The following CADM2 variants were observed in gnomAD, a reference collection of about 807,000 sequenced individuals.
CADM2 encodes the protein immunoglobulin superfamily member 4D.
CADM2 carries 12 observed loss-of-function variants against 49.8 expected under a neutral mutation model. That is an observed-to-expected ratio of 0.24 (90% CI 0.15 to 0.39). CADM2 has a LOEUF of 0.39. Ranked by LOEUF, CADM2 falls within the 10% of genes least tolerant of loss-of-function variation. CADM2 has a pLI of 1.00. For missense variants in CADM2, 378 were observed against 492.3 expected, an observed-to-expected ratio of 0.77 and a Z score of 2.20; for synonymous variants, 214 against 175.4, an observed-to-expected ratio of 1.22 and a Z score of -1.74.
chr3:85,810,451 T>C (rs2072784333), intron 3 of CADM2, among the ~76,000 whole-genome samples: 1 of 152,084 alleles, frequency 6.6e-6, no homozygotes, highest in African/African-American at 2.4e-5. Flanking sequence ...TTTATGCTTA[T>C]GCTTGCAACT....
At chr3:85,459,567 G>T (rs1484436566) in intron 1 of CADM2, among the ~76,000 whole-genome samples, 2 of 152,220 alleles carry the variant, frequency 1.3e-5, no homozygotes, top group African/African-American at 4.8e-5. Flanking sequence ...TATCAAATTA[G>T]TGTGACCCTA....
At chr3:85,876,983 C>T (rs1175918789) in intron 3 of CADM2, among the ~76,000 whole-genome samples, 2 of 152,026 alleles carry the variant, frequency 1.3e-5, no homozygotes, top group Non-Finnish European at 2.9e-5. Flanking sequence ...TTAAAACCAA[C>T]GGTGTATTGG....
At chr3:85,633,744 A>G (rs564529032) in intron 1 of CADM2, among the ~76,000 whole-genome samples, 3 of 152,202 alleles carry the variant, frequency 2.0e-5, no homozygotes, top group East Asian at 3.9e-4. Flanking sequence ...ATAAATTTCC[A>G]TAAAAGTAAC....
intron 8 of CADM2, among the ~76,000 whole-genome samples, chr3:86,054,362 G>A (rs1737674614): frequency 6.6e-6 from 1 of 151,990 alleles, no homozygotes; most frequent in Non-Finnish European, 1.5e-5. Context: ...TTTGACTATA[G>A]TGACTAGTGT....
intron 1 of CADM2, among the ~76,000 whole-genome samples, chr3:85,210,934 C>T (rs370761375): frequency 1.1e-4 from 16 of 152,056 alleles, no homozygotes; most frequent in African/African-American, 3.6e-4. Flanking sequence ...GCTGAGAGAC[C>T]TTTAATTATG....
At chr3:85,348,726 T>C (rs747727132) in intron 1 of CADM2, among the ~76,000 whole-genome samples, 10 of 152,114 alleles carry the variant, frequency 6.6e-5, no homozygotes, top group African/African-American at 2.4e-4. Context: ...AGGCAATCTA[T>C]TAAAATGTGA....
intron 1 of CADM2, among the ~76,000 whole-genome samples, chr3:84,972,557 T>C (rs2031525704): frequency 6.6e-6 from 1 of 152,246 alleles, no homozygotes; most frequent in African/African-American, 2.4e-5. Flanking sequence ...AGATCAATTC[T>C]ATAAATTAGG....
chr3:85,658,304 C>T (rs1165769443), intron 1 of CADM2, among the ~76,000 whole-genome samples: 1 of 151,788 alleles, frequency 6.6e-6, no homozygotes, highest in Non-Finnish European at 1.5e-5. Context: ...TGCAAGGAAA[C>T]CACCAGAGGC....
chr3:86,017,152 ATG>A (rs199834839), intron 8 of CADM2, among the ~76,000 whole-genome samples: 10 of 135,334 alleles, frequency 7.4e-5, no homozygotes, highest in African/African-American at 2.2e-4. Flanking sequence ...GTGTATATAT[ATG>A]TGTGTGTGTG....
intron 1 of CADM2, among the ~76,000 whole-genome samples, chr3:85,011,425 G>A (rs560668627): frequency 1.6e-4 from 25 of 152,066 alleles, no homozygotes; most frequent in Middle Eastern, 3.4e-3. Context: ...TTAATTATAG[G>A]ACACAAGTTT....
intron 1 of CADM2, among the ~76,000 whole-genome samples, chr3:85,541,766 TTTTATATTTTA>T (rs1413127732): frequency 0.14 from 2,159 of 15,178 alleles, 103 homozygotes; most frequent in East Asian, 0.32. Context: ...TATATATATA[TTTTATATTTTA>T]TATATATATA....
intron 1 of CADM2, among the ~76,000 whole-genome samples, chr3:85,198,529 C>G (rs375671021): frequency 6.6e-6 from 1 of 151,500 alleles, no homozygotes; most frequent in Non-Finnish European, 1.5e-5. Flanking sequence ...AGGCAGAAAC[C>G]ACAGAAGCAG....
chr3:85,023,429 T>C (rs1325906143), intron 1 of CADM2, among the ~76,000 whole-genome samples: 3 of 152,086 alleles, frequency 2.0e-5, no homozygotes, highest in Non-Finnish European at 4.4e-5. Flanking sequence ...CAGGGCTATA[T>C]AGATTGCACC....
At chr3:85,231,847 G>A (rs944064941) in intron 1 of CADM2, among the ~76,000 whole-genome samples, 3 of 151,308 alleles carry the variant, frequency 2.0e-5, no homozygotes, top group African/African-American at 2.4e-5. Flanking sequence ...CAAGTAGCAG[G>A]GATTACAGGT....
chr3:85,354,358 T>TGGGGGGA (rs1395739827), intron 1 of CADM2, among the ~76,000 whole-genome samples: 2 of 37,964 alleles, frequency 5.3e-5, no homozygotes, highest in Admixed American at 4.4e-4. Context: ...TGTTGTGGGG[T>TGGGGGGA]GGGGGGAGGG....
chr3:85,053,750 C>T (rs2035972144), intron 1 of CADM2, among the ~76,000 whole-genome samples: 1 of 151,884 alleles, frequency 6.6e-6, no homozygotes, highest in Non-Finnish European at 1.5e-5. Context: ...ACTAGATGAA[C>T]TTAAATGTCC....
intron 5 of CADM2, among the ~76,000 whole-genome samples, chr3:85,894,291 G>T (rs1414180045): frequency 6.6e-6 from 1 of 152,082 alleles, no homozygotes; most frequent in African/African-American, 2.4e-5. Flanking sequence ...TGTGGGAATT[G>T]AGCAATGAGA....
intron 1 of CADM2, among the ~76,000 whole-genome samples, chr3:85,374,733 G>T (rs755711767): frequency 6.6e-6 from 1 of 152,112 alleles, no homozygotes; most frequent in Non-Finnish European, 1.5e-5. Flanking sequence ...AGGCAAGACA[G>T]CATGTGCAGA....
intron 1 of CADM2, among the ~76,000 whole-genome samples, chr3:85,692,327 C>T (rs2107683643): frequency 6.6e-6 from 1 of 152,192 alleles, no homozygotes; most frequent in South Asian, 2.1e-4. Context: ...AGCCCTTATG[C>T]AGTGCACACG....
Sources: allele counts gnomAD v4.1 joint callset (sites outside exome capture counted in the v4.1 genomes callset), GRCh38; gene constraint gnomAD v4.1.1; transcripts MANE v1.5; gene names NCBI Gene and HGNC (gene_info 2026-07-23, HGNC 2026-07-21).